The following RPS6KC1 variants were observed in gnomAD, a reference collection of about 807,000 sequenced individuals.
RPS6KC1 encodes the protein ribosomal protein S6 kinase C1, also known as inactive ribosomal protein S6 kinase delta-1.
In RPS6KC1, 54 loss-of-function variants were observed where a neutral mutation model predicts 103.8. The ratio of observed to expected loss-of-function variants is 0.52; its 90% CI spans 0.42 to 0.65. The LOEUF is 0.65. Among genes scored for constraint, RPS6KC1 ranks in the 30% least tolerant of loss-of-function variants. The pLI is 0.00. For synonymous variants in RPS6KC1, 439 were observed against 438.7 expected (o/e 1.00, Z -0.01); for missense variants, 1,151 against 1,253.8 (o/e 0.92, Z 1.24).
chr1:213,548,485 A>G, the RPS6KC1 span, among the ~76,000 whole-genome samples: 2 of 152,028 alleles, frequency 1.3e-5, no homozygotes, highest in Non-Finnish European at 2.9e-5. Flanking sequence ...ACATGGTGAA[A>G]CCCCATCTCT....
the RPS6KC1 span, among the ~76,000 whole-genome samples, chr1:213,439,632 G>T: frequency 6.6e-6 from 1 of 152,174 alleles, no homozygotes; most frequent in African/African-American, 2.4e-5. Context: ...GAACTCAGAT[G>T]CAGGCCTCAC....
At chr1:213,639,356 G>C in the RPS6KC1 span, among the ~76,000 whole-genome samples, 3 of 151,932 alleles carry the variant, frequency 2.0e-5, no homozygotes, top group African/African-American at 7.3e-5. Context: ...TATTGCACTG[G>C]ATAAGACTTC....
At chr1:213,857,107 A>G in the RPS6KC1 span, among the ~76,000 whole-genome samples, 1 of 152,210 alleles carries the variant, frequency 6.6e-6, no homozygotes, top group Non-Finnish European at 1.5e-5. Flanking sequence ...TATGAAAATA[A>G]GCTAGTTATT....
the RPS6KC1 span, among the ~76,000 whole-genome samples, chr1:213,417,101 CTCAGAGGGACCATCGGGCCCTCA>C: frequency 6.6e-6 from 1 of 152,154 alleles, no homozygotes; most frequent in Non-Finnish European, 1.5e-5. Flanking sequence ...ACTGTCCCTC[CTCAGAGGGACCATCGGGCCCTCA>C]TCAACATCAC....
chr1:213,287,232 ATGTGTGTG>A, the RPS6KC1 span, among the ~76,000 whole-genome samples: 16,742 of 146,648 alleles, frequency 0.11, 1,005 homozygotes, highest in African/African-American at 0.16. Flanking sequence ...TGCCTATACA[ATGTGTGTG>A]TGTGTGTGTG....
the RPS6KC1 span, among the ~76,000 whole-genome samples, chr1:213,456,021 C>A: frequency 6.6e-6 from 1 of 152,110 alleles, no homozygotes; most frequent in African/African-American, 2.4e-5. Flanking sequence ...CCCCTCATGC[C>A]CTTACAACTG....
At chr1:213,760,401 C>T in the RPS6KC1 span, among the ~76,000 whole-genome samples, 148 of 152,268 alleles carry the variant, frequency 9.7e-4, no homozygotes, top group African/African-American at 3.2e-3. Flanking sequence ...GGTCCCTGCC[C>T]AGAGACATCC....
At chr1:213,771,024 G>A in the RPS6KC1 span, among the ~76,000 whole-genome samples, 1 of 152,154 alleles carries the variant, frequency 6.6e-6, no homozygotes, top group African/African-American at 2.4e-5. Context: ...TCCAGGATGT[G>A]TATGTCAGCC....
the RPS6KC1 span, among the ~76,000 whole-genome samples, chr1:213,475,261 A>G: frequency 6.6e-6 from 1 of 152,172 alleles, no homozygotes; most frequent in Non-Finnish European, 1.5e-5. Flanking sequence ...CCCACTCACC[A>G]GACTTTGGTG....
At chr1:213,247,433 C>G (rs2094471353) in intron 12 of RPS6KC1, among the ~76,000 whole-genome samples, 1 of 152,304 alleles carries the variant, frequency 6.6e-6, no homozygotes, top group Middle Eastern at 3.4e-3. Context: ...TTTCCCCTGC[C>G]CTTCTCCATA....
intron 8 of RPS6KC1, among the ~76,000 whole-genome samples, chr1:213,228,822 A>T (rs946748573): frequency 6.6e-6 from 1 of 152,212 alleles, no homozygotes; most frequent in African/African-American, 2.4e-5. Context: ...AGCACATAGT[A>T]AATGCTTAAA....
chr1:213,209,690 C>T (rs1218548227), intron 8 of RPS6KC1, among the ~76,000 whole-genome samples: 14 of 84,916 alleles, frequency 1.6e-4, no homozygotes, highest in Middle Eastern at 0.01. Flanking sequence ...AGCAAAACTC[C>T]GTCTCAAAAA....
At chr1:213,707,241 C>T in the RPS6KC1 span, among the ~76,000 whole-genome samples, 1 of 152,152 alleles carries the variant, frequency 6.6e-6, no homozygotes, top group African/African-American at 2.4e-5. Context: ...GATCAGCATT[C>T]TAACTGGCAT....
chr1:213,430,102 C>T, the RPS6KC1 span, among the ~76,000 whole-genome samples: 2 of 152,146 alleles, frequency 1.3e-5, no homozygotes, highest in African/African-American at 4.8e-5. Flanking sequence ...TAGTCGTCTT[C>T]CACTGGCTTA....
the RPS6KC1 span, among the ~76,000 whole-genome samples, chr1:213,647,438 G>A: frequency 8.3e-4 from 127 of 152,264 alleles, no homozygotes; most frequent in Middle Eastern, 3.4e-3. Context: ...AATAATATGA[G>A]TGAATTAGGC....
intron 3 of RPS6KC1, among the ~76,000 whole-genome samples, chr1:213,080,007 C>T (rs1459040679): frequency 4.0e-5 from 6 of 150,612 alleles, no homozygotes; most frequent in Non-Finnish European, 2.9e-5. Context: ...ACCTCTGCCT[C>T]CTGGGTTCAA....
chr1:213,383,808 ACTGT>A, the RPS6KC1 span, among the ~76,000 whole-genome samples: 1 of 151,140 alleles, frequency 6.6e-6, no homozygotes, highest in East Asian at 2.0e-4. Context: ...TGAGAAGGTG[ACTGT>A]CTGCAAGCCA....
chr1:213,295,102 T>G, the RPS6KC1 span, among the ~76,000 whole-genome samples: 1 of 152,138 alleles, frequency 6.6e-6, no homozygotes, highest in Non-Finnish European at 1.5e-5. Flanking sequence ...TCCTTTGTGA[T>G]GCCATTTGTT....
At chr1:213,542,951 C>A in the RPS6KC1 span, among the ~76,000 whole-genome samples, 3 of 152,160 alleles carry the variant, frequency 2.0e-5, no homozygotes, top group East Asian at 1.9e-4. Context: ...GGGACAGGAG[C>A]TTTGCTAAAG....
Sources: allele counts gnomAD v4.1 joint callset (sites outside exome capture counted in the v4.1 genomes callset), GRCh38; gene constraint gnomAD v4.1.1; transcripts MANE v1.5; gene names NCBI Gene and HGNC (gene_info 2026-07-23, HGNC 2026-07-21).